ITSN2: variants seen among roughly 807,000 people sequenced by gnomAD.
ITSN2 encodes intersectin-2.
A neutral mutation model predicts 243.7 loss-of-function variants in ITSN2; 156 were observed. That is an observed-to-expected ratio of 0.64 (90% CI 0.56 to 0.73). The LOEUF (loss-of-function observed/expected upper bound fraction) is 0.73. Among genes scored for constraint, ITSN2 ranks in the 30% least tolerant of loss-of-function variants. The probability of loss-of-function intolerance (pLI) is 0.00; values close to 1 mark genes in which losing one functional copy is unlikely to be tolerated. For missense variants in ITSN2, 1,801 were observed against 1,996.1 expected (o/e 0.90, Z 1.86); for synonymous variants, 703 against 699.9 (o/e 1.00, Z -0.07).
chr2:24,219,555 C>T (rs1284311638), intron 30 of ITSN2, among the ~76,000 whole-genome samples: 1 of 152,152 alleles, frequency 6.6e-6, no homozygotes, highest in Non-Finnish European at 1.5e-5. Flanking sequence ...TGCTTTGTGC[C>T]GGGCTTGGTG....
intron 32 of ITSN2, chr2:24,214,384 T>A (rs150075174): frequency 1.1e-4 from 17 of 152,306 alleles, no homozygotes; most frequent in African/African-American, 2.9e-4. Flanking sequence ...TTGGAGAGAA[T>A]TCCCTGTTAA....
chr2:24,310,570 C>T lies in ITSN2; in HGVS notation c.475G>A (p.Val159Met), dbSNP rs751739977. 38 of 1,613,824 alleles carry T rather than the reference C, an allele frequency of 2.4e-5. No homozygotes were observed. The Admixed American group carries it at 5.0e-4, about 21-fold the overall frequency. Residue 159 changes from valine to methionine, a missense_variant, in exon 6 of 40, where the codon GTG becomes ATG. Val to Met is a conservative substitution (Grantham distance 21, BLOSUM62 1). Around this residue, in one of 5 missense-constraint regions of ITSN2, gnomAD observed 787 missense variants for 803.9 expected, o/e 0.98. Coordinates refer to ENST00000355123, the MANE Select transcript of ITSN2 (RefSeq NM_006277.3). The part of the protein sequence containing the change: ...LPPLMMPTPL[V>M]PSVSTSSLPN... Reference sequence around the variant, plus strand: ...AATGATGATGTGCTAACAGAAGGCACTAGGGGAGTGGGCATCATTAAGGGA... The same window carrying T: ...AATGATGATGTGCTAACAGAAGGCATTAGGGGAGTGGGCATCATTAAGGGA...
intron 29 of ITSN2, among the ~76,000 whole-genome samples, chr2:24,231,943 T>C (rs1671661598): frequency 6.6e-6 from 1 of 152,348 alleles, no homozygotes; most frequent in South Asian, 2.1e-4. Context: ...TAAATCTAGA[T>C]GAATAAACTG....
chr2:24,330,555 G>A (rs1685666467), intron 1 of ITSN2: 2 of 816,144 alleles, frequency 2.5e-6, no homozygotes, highest in South Asian at 2.6e-5. Context: ...GGGAGAGAAG[G>A]TACCCAAAGG....
intron 7 of ITSN2, 128 bp downstream of exon 7, chr2:24,310,156 C>A: frequency 1.8e-6 from 1 of 567,912 alleles, no homozygotes; most frequent in Non-Finnish European, 3.1e-6. Context: ...AGTAAATTTA[C>A]CTTAAGTATT....
rs376879521 is a variant in ITSN2, at chr2:24,269,987, G to A, written c.2355+684C>T. ...TTTAGGGTTTATCTTGGGTGCTAGC[G>A]TTTTGGTAAATTTTTTTCCCTAGTA... On this transcript the variant is annotated intron_variant, in intron 20 of 39. Transcript: ENST00000355123. Among the ~76,000 whole-genome samples the A allele has an allele frequency of 1.2e-4, 19 of 152,228 alleles. No homozygotes were observed. In the South Asian group the frequency reaches 1.7e-3, roughly 13 times the overall value.
At chr2:24,296,298 T>C (rs1367669088) in intron 13 of ITSN2, among the ~76,000 whole-genome samples, 1 of 152,170 alleles carries the variant, frequency 6.6e-6, no homozygotes, top group African/African-American at 2.4e-5. Context: ...TTTTTCCTCT[T>C]CTTCTGTGAA....
chr2:24,276,659 G>A (rs569998930), intron 17 of ITSN2, among the ~76,000 whole-genome samples: 7 of 152,204 alleles, frequency 4.6e-5, no homozygotes, highest in South Asian at 4.2e-4. Flanking sequence ...AACATCTTAC[G>A]TGGTTTTAAA....
chr2:24,271,973 G>A (rs1451651094), intron 18 of ITSN2, 32 bp from the exon 19 acceptor site: 4 of 1,369,412 alleles, frequency 2.9e-6, no homozygotes, highest in African/African-American at 3.0e-5. Context: ...TTTGTATAAT[G>A]TCCTAGAAAT....
chr2:24,243,718 T>C (rs1402204619), intron 29 of ITSN2, among the ~76,000 whole-genome samples: 3 of 152,272 alleles, frequency 2.0e-5, no homozygotes, highest in Middle Eastern at 3.4e-3. Flanking sequence ...GTTGGGATTA[T>C]AGGTGTGCGC....
intron 1 of ITSN2, among the ~76,000 whole-genome samples, chr2:24,357,592 T>C (rs981722631): frequency 6.6e-6 from 1 of 152,046 alleles, no homozygotes; most frequent in South Asian, 2.1e-4. Flanking sequence ...CCTGTTTTTT[T>C]TGTAAGAAAT....
chr2:24,309,219 A>G lies in ITSN2; in HGVS notation c.654-463T>C, dbSNP rs147282268. ...TTCTCTTTTTCTGGGGAGGAGACAG[A>G]GTCTCGCTCTGTTGCCAGCCTGGAG... On this transcript the variant is annotated intron_variant, in intron 7 of 39. Coordinates refer to ENST00000355123, the MANE Select transcript of ITSN2 (RefSeq NM_006277.3). 2.6e-5 allele frequency among the ~76,000 whole-genome samples: 4 copies of G among 152,332 alleles called. No individual in the cohort carries two copies. In the East Asian group the frequency reaches 7.7e-4, roughly 29 times the overall value.
At chr2:24,221,229 G>A (rs747747854) in intron 29 of ITSN2, 163 bp from the exon 30 acceptor site, 2 of 661,610 alleles carry the variant, frequency 3.0e-6, no homozygotes, top group Non-Finnish European at 4.9e-6. Context: ...CGTACGCGGA[G>A]AGTTGGCATT....
chr2:24,348,459 G>T (rs779172215), intron 1 of ITSN2, among the ~76,000 whole-genome samples: 8 of 152,082 alleles, frequency 5.3e-5, no homozygotes, highest in Non-Finnish European at 1.2e-4. Flanking sequence ...CAAAGTGCTA[G>T]GATTACAGGC....
chr2:24,228,032 C>T (rs902485682), intron 29 of ITSN2, among the ~76,000 whole-genome samples: 1 of 152,064 alleles, frequency 6.6e-6, no homozygotes, highest in Non-Finnish European at 1.5e-5. Flanking sequence ...ATTATAATGG[C>T]TGAGACTTTT....
At chr2:24,314,599 T>C (rs555312550) in intron 3 of ITSN2, among the ~76,000 whole-genome samples, 70 of 152,228 alleles carry the variant, frequency 4.6e-4, no homozygotes, top group Non-Finnish European at 8.8e-4. Flanking sequence ...GTTCTCATAG[T>C]TACTATTATT....
chr2:24,325,551 T>C (rs1685078374), intron 2 of ITSN2, among the ~76,000 whole-genome samples: 1 of 152,208 alleles, frequency 6.6e-6, no homozygotes, highest in Non-Finnish European at 1.5e-5. Flanking sequence ...GTTTGTTACT[T>C]TGAACTTCAA....
chr2:24,315,128 A>C lies in ITSN2; in HGVS notation c.124+4T>G. On this transcript the variant is annotated splice_donor_region_variant and intron_variant, in intron 3 of 39. Transcript: ENST00000355123. Reference sequence around the variant, plus strand: ...CACTAATAAAACTAATTATAAATACAAACCTGTTATGTAACCTCCTGAAGG... The same window carrying C: ...CACTAATAAAACTAATTATAAATACCAACCTGTTATGTAACCTCCTGAAGG... 1 of 1,538,712 alleles carries C rather than the reference A, an allele frequency of 6.5e-7. No homozygotes were observed. The highest frequency in any genetic ancestry group is 9.0e-7 in the Non-Finnish European group (1 of 1,117,178).
chr2:24,261,271 T>A, intron 21 of ITSN2, 21 bp from the exon 22 acceptor site: 1 of 1,569,390 alleles, frequency 6.4e-7, no homozygotes, highest in Non-Finnish European at 8.8e-7. Flanking sequence ...AACACTTTGA[T>A]ATAAGTATAT....
Sources: allele counts gnomAD v4.1 joint callset (sites outside exome capture counted in the v4.1 genomes callset), GRCh38; gene constraint gnomAD v4.1.1; regional missense constraint gnomAD v4.1.1; transcripts MANE v1.5; gene names NCBI Gene and HGNC (gene_info 2026-07-23, HGNC 2026-07-21).